RCOR1: variants seen among roughly 807,000 people sequenced by gnomAD.
RCOR1 encodes the protein REST corepressor 1.
RCOR1 carries 12 observed loss-of-function variants against 64.0 expected under a neutral mutation model. The observed-to-expected ratio is 0.19, with a 90% CI of 0.12 to 0.30. RCOR1 has a LOEUF of 0.30. Ranked by LOEUF, RCOR1 falls within the 10% of genes least tolerant of loss-of-function variation. The probability of loss-of-function intolerance (pLI) is 1.00; values close to 1 mark genes in which losing one functional copy is unlikely to be tolerated. For missense variants in RCOR1, 502 were observed against 621.2 expected, an observed-to-expected ratio of 0.81 and a Z score of 2.04; for synonymous variants, 279 against 227.2, an observed-to-expected ratio of 1.23 and a Z score of -2.05.
In RCOR1 at chr14:102,711,230, G is replaced by A. The variant is rs952095862; in HGVS notation, c.858+217G>A. On this transcript the variant is annotated intron_variant, in intron 7 of 11. Coordinates refer to ENST00000262241, the MANE Select transcript of RCOR1 (RefSeq NM_015156.4). ...AGGAAGGCTTAAAGGATAGAAAATA[G>A]CACTAATGAGTAATGATGTTCCCTA... Among the ~76,000 whole-genome samples, 5 of 152,220 alleles carry A rather than the reference G, an allele frequency of 3.3e-5. No individual in the cohort carries two copies. In the East Asian group the frequency reaches 5.8e-4, roughly 18 times the overall value.
In RCOR1 at chr14:102,635,103, G is replaced by A. The variant is rs535655641; in HGVS notation, c.361+41778G>A. Among the ~76,000 whole-genome samples the A allele has an allele frequency of 5.8e-4, 88 of 152,128 alleles. 1 individual carries two copies. The highest frequency in any genetic ancestry group is 1.1e-3 in the Non-Finnish European group (78 of 68,006). ...CCTGCCTTGGCCTCCTAAAGTGCTA[G>A]GATTACAGGCATGAGCCATTGCACC... On this transcript the variant is annotated intron_variant, in intron 2 of 11. Transcript: ENST00000262241.
chr14:102,608,223 C>A (rs1893555784), intron 2 of RCOR1, among the ~76,000 whole-genome samples: 1 of 152,190 alleles, frequency 6.6e-6, no homozygotes, highest in African/African-American at 2.4e-5. Context: ...ACTTCTTATT[C>A]TCCATTCTCA....
At chr14:102,722,159 T>G (rs748124028) in intron 10 of RCOR1, 28 bp from the exon 11 acceptor site, 3 of 1,571,426 alleles carry the variant, frequency 1.9e-6, no homozygotes, top group Non-Finnish European at 2.6e-6. Context: ...TCTCTTGTAT[T>G]TTAAAAAATG....
intron 2 of RCOR1, among the ~76,000 whole-genome samples, chr14:102,648,538 T>C (rs1466916848): frequency 6.6e-6 from 1 of 152,228 alleles, no homozygotes. Context: ...TGGCACTAGC[T>C]GTATTTATTG....
intron 3 of RCOR1, among the ~76,000 whole-genome samples, chr14:102,683,209 AAAACTTT>A (rs1895341321): frequency 6.6e-6 from 1 of 152,296 alleles, no homozygotes; most frequent in South Asian, 2.1e-4. Flanking sequence ...AAAGTTGGTT[AAAACTTT>A]AAACTTTAAA....
chr14:102,668,424 T>C (rs991673631), intron 2 of RCOR1, among the ~76,000 whole-genome samples: 1 of 152,200 alleles, frequency 6.6e-6, no homozygotes, highest in African/African-American at 2.4e-5. Flanking sequence ...AAGAATGGAT[T>C]CTTTGTTACC....
At chr14:102,687,950 A>G (rs1207333730) in intron 3 of RCOR1, among the ~76,000 whole-genome samples, 1 of 150,098 alleles carries the variant, frequency 6.7e-6, no homozygotes, top group Non-Finnish European at 1.5e-5. Context: ...AGACAGAAGA[A>G]ATGATAGCAT....
Position 102,643,391 on chromosome 14 carries a change from G to A in RCOR1, c.362-38504G>A, listed in dbSNP as rs530844285. On this transcript the variant is annotated intron_variant, in intron 2 of 11. Coordinates refer to ENST00000262241, the MANE Select transcript of RCOR1 (RefSeq NM_015156.4). ...TTGAGATTTGGAATGTTGAGTAATG[G>A]GATAGTATAAACAGTATAGCAGTAT... The A allele has an allele frequency of 3.7e-6, 3 of 806,380 alleles. No homozygotes were observed. The South Asian group carries it at 1.7e-4, about 46-fold the overall frequency. The allele number at this position is 806,380 out of a possible 1,614,324, so 50.0% of individuals were successfully genotyped here.
intron 3 of RCOR1, among the ~76,000 whole-genome samples, chr14:102,693,585 G>GGAGAGC (rs1895582522): frequency 6.6e-6 from 1 of 151,338 alleles, no homozygotes; most frequent in Non-Finnish European, 1.5e-5. Flanking sequence ...CTCACAGGCA[G>GGAGAGC]GAGAGCCTGC....
At chr14:102,689,382 G>A (rs1413675853) in intron 3 of RCOR1, among the ~76,000 whole-genome samples, 1 of 152,106 alleles carries the variant, frequency 6.6e-6, no homozygotes, top group Non-Finnish European at 1.5e-5. Flanking sequence ...CTCGGGTATA[G>A]CCTTGTCTGT....
At chr14:102,646,912 AATATT>A (rs1262587754) in intron 2 of RCOR1, among the ~76,000 whole-genome samples, 6 of 152,246 alleles carry the variant, frequency 3.9e-5, no homozygotes, top group African/African-American at 1.4e-4. Flanking sequence ...ATTATGATAT[AATATT>A]AGTAATTGAT....
intron 2 of RCOR1, among the ~76,000 whole-genome samples, chr14:102,629,624 C>T (rs892085843): frequency 2.0e-5 from 3 of 152,116 alleles, no homozygotes; most frequent in Non-Finnish European, 2.9e-5. Context: ...TGGAACTCTC[C>T]ACAAAGAATA....
At chr14:102,611,548 C>A (rs1369901516) in intron 2 of RCOR1, among the ~76,000 whole-genome samples, 2 of 152,106 alleles carry the variant, frequency 1.3e-5, no homozygotes, top group South Asian at 2.1e-4. Context: ...TTGTTGGAGG[C>A]TGGATATTTT....
At chr14:102,671,404 GT>G (rs199629171) in intron 2 of RCOR1, among the ~76,000 whole-genome samples, 1,558 of 151,708 alleles carry the variant, frequency 0.01, 16 homozygotes, top group Admixed American at 0.015. Flanking sequence ...TTGTTTGTTT[GT>G]TTTAAAGAGA....
intron 2 of RCOR1, among the ~76,000 whole-genome samples, chr14:102,650,203 A>G (rs1380746058): frequency 1.3e-5 from 2 of 150,942 alleles, no homozygotes; most frequent in African/African-American, 2.4e-5. Flanking sequence ...ACCGCAAAAA[A>G]AAAAAAAAAA....
intron 6 of RCOR1, among the ~76,000 whole-genome samples, chr14:102,709,892 T>G (rs1191870521): frequency 6.6e-6 from 1 of 152,194 alleles, no homozygotes; most frequent in African/African-American, 2.4e-5. Context: ...TGCCAACACT[T>G]CCATTCTTAC....
intron 2 of RCOR1, 23 bp from the exon 3 acceptor site, chr14:102,681,872 T>C (rs1157413775): frequency 6.4e-7 from 1 of 1,567,616 alleles, no homozygotes; most frequent in South Asian, 1.1e-5. Context: ...TTAATAAGAA[T>C]TTTCTTTTTT....
chr14:102,655,144 T>A, intron 2 of RCOR1: 1 of 365,850 alleles, frequency 2.7e-6, no homozygotes, highest in Non-Finnish European at 3.8e-6. Flanking sequence ...TTAAGCTAAA[T>A]TTTGTTGAAT....
At position 102,633,713 on chromosome 14, in the gene RCOR1, ATTT is replaced by A. The variant is rs1894174293; in HGVS notation, c.361+40391_361+40393del. On this transcript the variant is annotated intron_variant, in intron 2 of 11. Coordinates refer to ENST00000262241, the MANE Select transcript of RCOR1 (RefSeq NM_015156.4). ...CGCCAACACGCCCGGCTAACTTTGT[ATTT>A]TTAGTAGAGACAGGGTTTCACCATG... 2.6e-5 allele frequency among the ~76,000 whole-genome samples: 4 copies of A among 151,976 alleles called. No individual in the cohort carries two copies. In the South Asian group the frequency reaches 8.3e-4, roughly 32 times the overall value.
Sources: allele counts gnomAD v4.1 joint callset (sites outside exome capture counted in the v4.1 genomes callset), GRCh38; gene constraint gnomAD v4.1.1; transcripts MANE v1.5; gene names NCBI Gene and HGNC (gene_info 2026-07-23, HGNC 2026-07-21).